PCDHGB2: variants seen among roughly 807,000 people sequenced by gnomAD.
PCDHGB2 encodes the protein protocadherin gamma-B2.
In PCDHGB2, 55 loss-of-function variants were observed where a neutral mutation model predicts 59.3. That is an observed-to-expected ratio of 0.93 (90% CI 0.75 to 1.16). The LOEUF is 1.16. Ranked by LOEUF, PCDHGB2 falls within the 50% of genes most tolerant of loss-of-function variation. PCDHGB2 has a pLI of 0.00. For missense variants in PCDHGB2, 1,228 were observed against 1,198.5 expected (o/e 1.02, Z -0.36); for synonymous variants, 516 against 512.0 (o/e 1.01, Z -0.11).
At chr5:141,438,720 G>A (rs1393152221) in intron 1 of PCDHGB2, among the ~76,000 whole-genome samples, 1 of 147,892 alleles carries the variant, frequency 6.8e-6, no homozygotes, top group Non-Finnish European at 1.5e-5. Flanking sequence ...GAGTGCAAGT[G>A]GTGTGATCTC....
chr5:141,497,512 T>C (rs903352739), intron 2 of PCDHGB2, among the ~76,000 whole-genome samples: 2 of 151,896 alleles, frequency 1.3e-5, no homozygotes, highest in Admixed American at 1.3e-4. Flanking sequence ...TCTGCTTCCT[T>C]AGTTAACTTG....
At chr5:141,375,244 G>A (rs527726605) in intron 1 of PCDHGB2, 1 of 1,613,890 alleles carries the variant, frequency 6.2e-7, no homozygotes, top group Admixed American at 1.7e-5. Context: ...GTTCCATCCC[G>A]AGAAGTCTCC....
At chr5:141,498,457 G>A (rs1028236637) in intron 2 of PCDHGB2, among the ~76,000 whole-genome samples, 8 of 152,126 alleles carry the variant, frequency 5.3e-5, no homozygotes, top group African/African-American at 1.9e-4. Flanking sequence ...CTTTTATCCA[G>A]TCTAACCCTG....
chr5:141,427,319 G>T (rs1184530487), intron 1 of PCDHGB2: 4 of 456,958 alleles, frequency 8.8e-6, no homozygotes, highest in African/African-American at 8.0e-5. Flanking sequence ...CCCCAGACGT[G>T]GTTTTTACTT....
At chr5:141,421,025 A>C (rs1047305594) in intron 1 of PCDHGB2, 4 of 526,168 alleles carry the variant, frequency 7.6e-6, no homozygotes, top group African/African-American at 5.9e-5. Context: ...GCTGCGCGCC[A>C]TTGAGTCCCT....
chr5:141,422,398 C>T lies in PCDHGB2; in HGVS notation c.2421+59842C>T, dbSNP rs2096646163. On this transcript the variant is annotated intron_variant, in intron 1 of 3. Transcript: ENST00000522605. Reference sequence around the variant, plus strand: ...AGTCTCCTGTTTTATTCCTAACCACCTGCCTTTTAAATTAGAAAAGACTTA... The same window carrying T: ...AGTCTCCTGTTTTATTCCTAACCACTTGCCTTTTAAATTAGAAAAGACTTA... The T allele has an allele frequency of 1.9e-6, 3 of 1,597,634 alleles. No individual in the cohort carries two copies. In the Admixed American group the frequency reaches 5.3e-5, roughly 28 times the overall value.
Position 141,375,861 on chromosome 5 carries a change from C to A in PCDHGB2, c.2421+13305C>A, listed in dbSNP as rs567912144. 1.5e-5 allele frequency: 24 copies of A among 1,613,986 alleles called. 2 individuals are homozygous for A. In the South Asian group the frequency reaches 2.0e-4, roughly 13 times the overall value. On this transcript the variant is annotated intron_variant, in intron 1 of 3. Coordinates refer to ENST00000522605, the MANE Select transcript of PCDHGB2 (RefSeq NM_018923.3). ...GGCTACCTGGTGACCAAGGTGGTGG[C>A]GGTGGACAGAGACTCGGGCCAGAAC...
At chr5:141,408,969 C>G (rs1005367761) in intron 1 of PCDHGB2, 1 of 1,613,594 alleles carries the variant, frequency 6.2e-7, no homozygotes, top group African/African-American at 1.3e-5. Flanking sequence ...GAAAATCTGC[C>G]CCCTGGGTCC....
intron 1 of PCDHGB2, chr5:141,365,325 A>T (rs372623504): frequency 2.5e-6 from 4 of 1,613,990 alleles, no homozygotes; most frequent in Admixed American, 1.7e-5. Context: ...GCCAGCGCTA[A>T]GGTGGTGGTC....
chr5:141,387,321 T>G (rs2090906935), intron 1 of PCDHGB2, among the ~76,000 whole-genome samples: 1 of 152,226 alleles, frequency 6.6e-6, no homozygotes, highest in African/African-American at 2.4e-5. Context: ...TGAGTAAGTA[T>G]GGAAAATTAC....
chr5:141,427,710 G>T, intron 1 of PCDHGB2: 2 of 1,033,628 alleles, frequency 1.9e-6, no homozygotes, highest in South Asian at 2.6e-5. Context: ...CAGCGCCTCT[G>T]ACCTGGACCT....
At chr5:141,386,797 T>G (rs771279831) in intron 1 of PCDHGB2, among the ~76,000 whole-genome samples, 1 of 152,124 alleles carries the variant, frequency 6.6e-6, no homozygotes, top group Non-Finnish European at 1.5e-5. Flanking sequence ...TGACCAAAAT[T>G]TATTAGATGC....
At chr5:141,367,326 C>G (rs1765062617) in intron 1 of PCDHGB2, 3 of 152,420 alleles carry the variant, frequency 2.0e-5, no homozygotes. Context: ...ATCACGAGGT[C>G]AGGAGATCGA....
At chr5:141,445,294 T>G (rs1012635904) in intron 1 of PCDHGB2, among the ~76,000 whole-genome samples, 2 of 152,238 alleles carry the variant, frequency 1.3e-5, no homozygotes. Flanking sequence ...CAGGCTTCCA[T>G]TCTCTTCAGT....
intron 1 of PCDHGB2, chr5:141,394,242 CACGACCCCG>C (rs1450725417): frequency 1.2e-6 from 2 of 1,613,838 alleles, no homozygotes; most frequent in Non-Finnish European, 1.7e-6. Flanking sequence ...CTTGACTGCA[CACGACCCCG>C]ACAGCCAGGA....
intron 1 of PCDHGB2, chr5:141,383,195 G>C: frequency 2.5e-6 from 4 of 1,614,044 alleles, no homozygotes; most frequent in Non-Finnish European, 3.4e-6. Flanking sequence ...TGCGCTCAGA[G>C]TGCGCGGTGT....
At position 141,512,161 on chromosome 5, in the gene PCDHGB2, G is replaced by A. The variant is rs1176664723; in HGVS notation, c.*988G>A. On this transcript the variant is annotated 3_prime_UTR_variant, in exon 4 of 4. Transcript: ENST00000522605. ...AGCCAGCTTTGGGCTGAGCTAACAGGACCAATGGATTAAACTGGCATTTCA... is the reference window on the plus strand; with the variant it reads ...AGCCAGCTTTGGGCTGAGCTAACAGAACCAATGGATTAAACTGGCATTTCA... The A allele has an allele frequency of 6.5e-6, 1 of 152,704 alleles. No homozygotes were observed. Among genetic ancestry groups the A allele is most frequent in the African/African-American group, 2.4e-5 (1 of 41,440 alleles). 9.5% of individuals were successfully genotyped at this position (152,704 alleles called of 1,614,324 possible). A position where few individuals can be genotyped will look rare whatever the true frequency, so the allele number is the denominator to read the frequency against.
chr5:141,435,591 T>G (rs1197622032), intron 1 of PCDHGB2, among the ~76,000 whole-genome samples: 1 of 152,206 alleles, frequency 6.6e-6, no homozygotes, highest in Admixed American at 6.5e-5. Flanking sequence ...TGCAGTAATA[T>G]CGCCTGCTTT....
intron 1 of PCDHGB2, among the ~76,000 whole-genome samples, chr5:141,472,405 G>A (rs1207849470): frequency 6.6e-6 from 1 of 152,086 alleles, no homozygotes; most frequent in Non-Finnish European, 1.5e-5. Flanking sequence ...GCCAGGCGTG[G>A]TGGCACGCAC....
Sources: gnomAD v4.1 joint callset for allele counts (sites outside exome capture counted in the v4.1 genomes callset) on GRCh38, gnomAD v4.1.1 for gene constraint, MANE v1.5 for transcripts, NCBI Gene and HGNC (gene_info 2026-07-23, HGNC 2026-07-21) for gene names.